Variants in MAML3 observed in about 807,000 individuals in gnomAD.
The protein encoded by MAML3 is mastermind-like protein 3.
A neutral mutation model predicts 101.9 loss-of-function variants in MAML3; 27 were observed. The observed-to-expected ratio is 0.27, with a 90% CI of 0.20 to 0.37. MAML3 has a LOEUF of 0.37. Ranked by LOEUF, MAML3 falls within the 10% of genes least tolerant of loss-of-function variation. MAML3 has a pLI of 1.00. For missense variants in MAML3, 1,316 were observed against 1,444.9 expected (o/e 0.91, Z 1.45); for synonymous variants, 501 against 555.9 (o/e 0.90, Z 1.39).
intron 2 of MAML3, among the ~76,000 whole-genome samples, chr4:139,795,762 C>T (rs201813605): frequency 3.9e-5 from 6 of 152,162 alleles, no homozygotes; most frequent in Non-Finnish European, 5.9e-5. Flanking sequence ...CCAGCTGACC[C>T]CACTTGCAAC....
chr4:139,983,487 G>A (rs1012792756), intron 1 of MAML3, among the ~76,000 whole-genome samples: 1 of 152,134 alleles, frequency 6.6e-6, no homozygotes, highest in South Asian at 2.1e-4. Context: ...TATCCAAAAG[G>A]CTTGGGACCA....
chr4:139,991,772 G>C (rs1164217642), intron 1 of MAML3, among the ~76,000 whole-genome samples: 1 of 152,026 alleles, frequency 6.6e-6, no homozygotes, highest in Non-Finnish European at 1.5e-5. Context: ...ATTGAGCCCA[G>C]GAGGTCAAGG....
intron 1 of MAML3, among the ~76,000 whole-genome samples, chr4:139,975,505 A>G (rs994300407): frequency 2.0e-5 from 3 of 151,862 alleles, no homozygotes; most frequent in Non-Finnish European, 4.4e-5. Context: ...TACTTTTTTC[A>G]TTACATCTAC....
At chr4:139,944,118 C>T (rs1188803287) in intron 1 of MAML3, among the ~76,000 whole-genome samples, 1 of 151,970 alleles carries the variant, frequency 6.6e-6, no homozygotes, top group Non-Finnish European at 1.5e-5. Context: ...GATCCACCTG[C>T]CTCGGCCTCC....
chr4:140,042,035 C>A (rs911994422), intron 1 of MAML3, among the ~76,000 whole-genome samples: 11 of 152,152 alleles, frequency 7.2e-5, no homozygotes, highest in African/African-American at 2.7e-4. Context: ...TCACAAACCT[C>A]CTGTGAAGTA....
chr4:139,819,392 T>C (rs1177714992), intron 2 of MAML3, among the ~76,000 whole-genome samples: 1 of 152,238 alleles, frequency 6.6e-6, no homozygotes, highest in Non-Finnish European at 1.5e-5. Flanking sequence ...TAATCTTGAA[T>C]ATAATGCTAA....
intron 2 of MAML3, among the ~76,000 whole-genome samples, chr4:139,841,233 T>A (rs1355535432): frequency 6.6e-6 from 1 of 152,186 alleles, no homozygotes; most frequent in Non-Finnish European, 1.5e-5. Flanking sequence ...GAAAAACACA[T>A]GCATTTAACT....
intron 2 of MAML3, among the ~76,000 whole-genome samples, chr4:139,841,751 A>T (rs1174810555): frequency 6.6e-6 from 1 of 152,242 alleles, no homozygotes; most frequent in Non-Finnish European, 1.5e-5. Flanking sequence ...TTTGTCTGAT[A>T]GGTGTTGCTT....
At chr4:139,909,640 C>A (rs1315646143) in intron 1 of MAML3, among the ~76,000 whole-genome samples, 1 of 152,024 alleles carries the variant, frequency 6.6e-6, no homozygotes, top group Admixed American at 6.6e-5. Flanking sequence ...GGTTCAAGAC[C>A]AGCCTGGCCA....
At chr4:139,748,986 G>A (rs1038007945) in intron 2 of MAML3, among the ~76,000 whole-genome samples, 7 of 152,120 alleles carry the variant, frequency 4.6e-5, no homozygotes, top group African/African-American at 1.2e-4. Flanking sequence ...GGCTGCACAC[G>A]TCCTTGAAGT....
At chr4:139,873,785 A>G (rs1325153621) in intron 2 of MAML3, among the ~76,000 whole-genome samples, 1 of 152,188 alleles carries the variant, frequency 6.6e-6, no homozygotes, top group Non-Finnish European at 1.5e-5. Flanking sequence ...ACTGCAGCCC[A>G]CTTGACAGCT....
chr4:140,074,494 T>G (rs190580283), intron 1 of MAML3, among the ~76,000 whole-genome samples: 1 of 152,196 alleles, frequency 6.6e-6, no homozygotes, highest in African/African-American at 2.4e-5. Flanking sequence ...TCTGAAACTT[T>G]GTGAGTGCCA....
intron 1 of MAML3, among the ~76,000 whole-genome samples, chr4:139,998,217 T>C (rs1365606864): frequency 6.6e-6 from 1 of 152,212 alleles, no homozygotes; most frequent in Non-Finnish European, 1.5e-5. Flanking sequence ...TCAAATTTGA[T>C]AATTTCTATT....
At chr4:139,788,684 G>A (rs1334632993) in intron 2 of MAML3, among the ~76,000 whole-genome samples, 3 of 152,240 alleles carry the variant, frequency 2.0e-5, no homozygotes, top group African/African-American at 7.2e-5. Context: ...TTTGGTCTAT[G>A]AGATACAGTG....
intron 1 of MAML3, among the ~76,000 whole-genome samples, chr4:139,974,448 T>C (rs1298345762): frequency 6.6e-6 from 1 of 152,178 alleles, no homozygotes; most frequent in Admixed American, 6.5e-5. Context: ...AGTACTATGT[T>C]AACCACTATT....
At chr4:140,053,194 T>A (rs1158741986) in intron 1 of MAML3, among the ~76,000 whole-genome samples, 1 of 152,072 alleles carries the variant, frequency 6.6e-6, no homozygotes, top group Non-Finnish European at 1.5e-5. Context: ...TAGTGTTGGA[T>A]AGGCTGTTTG....
At chr4:140,080,381 G>C (rs1727842983) in intron 1 of MAML3, among the ~76,000 whole-genome samples, 1 of 152,196 alleles carries the variant, frequency 6.6e-6, no homozygotes, top group African/African-American at 2.4e-5. Context: ...GTCTGGACTT[G>C]GTTCTCATCC....
chr4:140,059,023 G>A, intron 1 of MAML3, among the ~76,000 whole-genome samples: 1 of 152,082 alleles, frequency 6.6e-6, no homozygotes, highest in Admixed American at 6.6e-5. Context: ...GGTGAAGATT[G>A]TTTTTTTCAA....
chr4:139,747,132 T>C (rs1729351106), intron 2 of MAML3, among the ~76,000 whole-genome samples: 1 of 152,222 alleles, frequency 6.6e-6, no homozygotes. Flanking sequence ...CCTCAGAATG[T>C]GCAGGGAAGT....
Sources: allele counts gnomAD v4.1 joint callset (sites outside exome capture counted in the v4.1 genomes callset), GRCh38; gene constraint gnomAD v4.1.1; transcripts MANE v1.5; gene names NCBI Gene and HGNC (gene_info 2026-07-23, HGNC 2026-07-21).